Variants in CRAT observed in about 807,000 individuals in gnomAD.
CRAT encodes the protein carnitine O-acetyltransferase.
A neutral mutation model predicts 73.7 loss-of-function variants in CRAT; 66 were observed. That is an observed-to-expected ratio of 0.90 (90% CI 0.73 to 1.10). CRAT has a LOEUF of 1.10. CRAT is among the 50% of genes least tolerant of loss of function. CRAT has a pLI of 0.00. For missense variants in CRAT, 745 were observed against 846.9 expected (o/e 0.88, Z 1.49); for synonymous variants, 321 against 343.2 (o/e 0.94, Z 0.71).
Position 129,098,121 on chromosome 9 carries a change from A to C in CRAT, c.1356T>G (p.Tyr452Ter), listed in dbSNP as rs1250426248. Residue 452 changes from tyrosine (Y) to a stop codon, truncating the protein, a stop_gained, in exon 11 of 14, where the codon TAT becomes TAG. Coordinates refer to ENST00000318080, the MANE Select transcript of CRAT (RefSeq NM_000755.5). LOFTEE classifies it high-confidence loss of function. ...GAAACATGCGCAGGGAGGCACTTTC[A>C]TAGGTGGCACATGCCTGTCCGTAGA... is the stretch of plus-strand genomic sequence containing the variant. ...YRIYGQACAT[Y>*]ESASLRMFHL... 1 of 1,613,798 alleles carries C rather than the reference A, an allele frequency of 6.2e-7. No individual in the cohort carries two copies. The highest frequency in any genetic ancestry group is 1.7e-5 in the Admixed American group (1 of 60,008).
Position 129,099,809 on chromosome 9 carries a change from G to C in CRAT, c.1085+57C>G, listed in dbSNP as rs561869316. 149 of 1,351,310 alleles carry C rather than the reference G, an allele frequency of 1.1e-4. No individual in the cohort carries two copies. The East Asian group carries it at 2.7e-3, about 24-fold the overall frequency. 83.7% of individuals were successfully genotyped at this position (1,351,310 alleles called of 1,614,324 possible). On this transcript the variant is annotated intron_variant, in intron 8 of 13. Coordinates refer to ENST00000318080, the MANE Select transcript of CRAT (RefSeq NM_000755.5). ...TTCTCTATAAGCTGGTCTATCACCTGTGTGTCACCTGTCACTAGAAGCTGG... is the reference window on the plus strand; with the variant it reads ...TTCTCTATAAGCTGGTCTATCACCTCTGTGTCACCTGTCACTAGAAGCTGG...
Position 129,095,036 on chromosome 9 carries a change from G to C in CRAT, c.*361C>G. On this transcript the variant is annotated 3_prime_UTR_variant, in exon 14 of 14. Coordinates refer to ENST00000318080, the MANE Select transcript of CRAT (RefSeq NM_000755.5). ...GGTGGCCTGGTCATGGAGTTGGCAG[G>C]GAGTGGCCGGGGCTGAGCTGGTGAG... 1.0e-5 allele frequency: 3 copies of C among 299,330 alleles called. No individual in the cohort carries two copies. The South Asian group carries it at 1.2e-4, about 12-fold the overall frequency. 18.5% of individuals were successfully genotyped at this position (299,330 alleles called of 1,614,324 possible).
rs1319323798 is a variant in CRAT at position 129,100,253 on chromosome 9, G to C, written c.984+258C>G. The stretch of plus-strand genomic sequence containing the variant: ...GGGACTGTTGTGCCAGGATTGCACT[G>C]GTGACCCCGGATCCCAGGTTCTCTG... On this transcript the variant is annotated intron_variant, in intron 7 of 13. Coordinates refer to ENST00000318080, the MANE Select transcript of CRAT (RefSeq NM_000755.5). 5.1e-6 allele frequency: 3 copies of C among 585,832 alleles called. No individual in the cohort carries two copies. In the East Asian group the frequency reaches 8.5e-5, roughly 17 times the overall value. 36.3% of individuals were successfully genotyped at this position (585,832 alleles called of 1,614,324 possible).
Position 129,110,725 on chromosome 9 carries a change from C to G in CRAT, c.-216G>C, listed in dbSNP as rs1848388460. Reference sequence around the variant, plus strand: ...CACCCGGGGAGGAGGACTCGCGAGGCGGGGCCTGGGCCGGTAGCGGGCCCC... The same window carrying G: ...CACCCGGGGAGGAGGACTCGCGAGGGGGGGCCTGGGCCGGTAGCGGGCCCC... On this transcript the variant is annotated 5_prime_UTR_variant, in exon 1 of 14. Transcript: ENST00000318080. The surrounding 1 kb of genome is among the most constrained non-coding windows in gnomAD (Gnocchi z 5.3). The G allele has an allele frequency of 1.8e-5, 11 of 613,106 alleles. No individual in the cohort carries two copies. The South Asian group carries it at 2.6e-4, about 14-fold the overall frequency. The allele number at this position is 613,106 out of a possible 1,614,324, so 38.0% of individuals were successfully genotyped here. A position where few individuals can be genotyped will look rare whatever the true frequency, so the allele number is the denominator to read the frequency against.
At chr9:129,102,988 G>T in intron 4 of CRAT, 25 bp downstream of exon 4, 1 of 1,606,586 alleles carries the variant, frequency 6.2e-7, no homozygotes, top group Non-Finnish European at 8.5e-7. Context: ...CAGGTGTGGG[G>T]CTGGGCAGGG....
chr9:129,099,376 C>T (rs563168041), intron 8 of CRAT, among the ~76,000 whole-genome samples: 14 of 150,632 alleles, frequency 9.3e-5, no homozygotes, highest in Non-Finnish European at 1.6e-4. Flanking sequence ...TCAGGTGATC[C>T]GCCTCCCAAA....
chr9:129,103,743 T>C lies in CRAT; in HGVS notation c.410+445A>G, dbSNP rs1847830439. Among the ~76,000 whole-genome samples, 1 of 152,128 alleles carries C rather than the reference T, an allele frequency of 6.6e-6. No individual in the cohort carries two copies. The highest frequency in any genetic ancestry group is 2.4e-5 in the African/African-American group (1 of 41,404). ...TGGCTGGTCCTTGGGCAGGAGATCC[T>C]TGTCACTGGTATTTTTATCTCTGGT... On this transcript the variant is annotated intron_variant, in intron 3 of 13. Coordinates refer to ENST00000318080, the MANE Select transcript of CRAT (RefSeq NM_000755.5). This position sits in a 1 kb window ranked among gnomAD's most constrained non-coding sequence, Gnocchi z 4.6.
rs143641111 is a variant in CRAT, at chr9:129,096,414, G to T, written c.1528-279C>A. ...CCATCCTGGCTGCAGGGCCTTGGCAGGTTGCTTAGGTTCTGGAACTGTAGT... is the reference window on the plus strand; with the variant it reads ...CCATCCTGGCTGCAGGGCCTTGGCATGTTGCTTAGGTTCTGGAACTGTAGT... On this transcript the variant is annotated intron_variant, in intron 12 of 13. Transcript: ENST00000318080. 7.4e-4 allele frequency among the ~76,000 whole-genome samples: 113 copies of T among 152,376 alleles called. 3 individuals are homozygous for T. In the East Asian group the frequency reaches 0.017, roughly 23 times the overall value.
rs1296312084 is a variant in CRAT at position 129,103,041 on chromosome 9, C to T, written c.436G>A (p.Val146Met). Residue 146 changes from valine to methionine, a missense_variant, in exon 4 of 14, where the codon GTG becomes ATG. Physicochemically the swap from Val to Met is conservative, Grantham distance 21. Coordinates refer to ENST00000318080, the MANE Select transcript of CRAT (RefSeq NM_000755.5). This position sits in a 1 kb window ranked among gnomAD's most constrained non-coding sequence, Gnocchi z 4.6. ...LRFAAKLIEG[V>M]LDFKVMIDNE... ...TCAATCATGACCTTGAAATCCAACACACCCTCAATGAGTTTGGCAGCAAAT... is the reference window on the plus strand; with the variant it reads ...TCAATCATGACCTTGAAATCCAACATACCCTCAATGAGTTTGGCAGCAAAT... 1.9e-6 allele frequency: 3 copies of T among 1,614,032 alleles called. No homozygotes were observed. The highest frequency in any genetic ancestry group is 2.2e-5 in the South Asian group (2 of 91,086).
intron 3 of CRAT, 91 bp downstream of exon 3, chr9:129,104,097 G>A: frequency 1.3e-6 from 1 of 781,686 alleles, no homozygotes; most frequent in Non-Finnish European, 2.1e-6. Context: ...GGGGCAGAAA[G>A]ATAAACAGGG....
At chr9:129,096,796 C>T (rs979822777) in intron 12 of CRAT, among the ~76,000 whole-genome samples, 11 of 152,186 alleles carry the variant, frequency 7.2e-5, no homozygotes, top group South Asian at 2.1e-4. Flanking sequence ...TGGCCGGGCA[C>T]GGTGGCTCAC....
chr9:129,095,935 C>T lies in CRAT; in HGVS notation c.1665+63G>A, dbSNP rs540166869. ...ATGGGTCAGTGGGGCCTGTGTAGGC[C>T]ACATCAAACTACCAGTGGGTTCTCT... On this transcript the variant is annotated intron_variant, in intron 13 of 13. Transcript: ENST00000318080. 204 of 1,605,658 alleles carry T rather than the reference C, an allele frequency of 1.3e-4. 2 individuals are homozygous for T. In the South Asian group the frequency reaches 2.2e-3, roughly 17 times the overall value.
chr9:129,109,392 G>A, intron 1 of CRAT: 1 of 747,768 alleles, frequency 1.3e-6, no homozygotes, highest in South Asian at 1.5e-5. Context: ...GGACCCATCT[G>A]AGCCATCCCT....
In CRAT at chr9:129,107,760, A is replaced by T; in HGVS notation, c.291+54T>A. The stretch of plus-strand genomic sequence containing the variant: ...GCCGTGCCAGAGCAGTGGGCACTGG[A>T]GAACTGTGCATGTGCAGCCAGCAGC... On this transcript the variant is annotated intron_variant, in intron 2 of 13. Transcript: ENST00000318080. This position sits in a 1 kb window ranked among gnomAD's most constrained non-coding sequence, Gnocchi z 5.0. 6.2e-7 allele frequency: 1 copy of T among 1,612,140 alleles called. No homozygotes were observed. Among genetic ancestry groups the T allele is most frequent in the Non-Finnish European group, 8.5e-7 (1 of 1,179,198 alleles).
chr9:129,109,833 A>G (rs1848282033), intron 1 of CRAT, among the ~76,000 whole-genome samples: 1 of 150,154 alleles, frequency 6.7e-6, no homozygotes, highest in Admixed American at 6.7e-5. Flanking sequence ...CGGGCTGCTC[A>G]CCGGGGAGGA....
At position 129,102,066 on chromosome 9, in the gene CRAT, G is replaced by A. The variant is rs974566537; in HGVS notation, c.631-9C>T. On this transcript the variant is annotated splice_polypyrimidine_tract_variant and intron_variant, in intron 5 of 13. Coordinates refer to ENST00000318080, the MANE Select transcript of CRAT (RefSeq NM_000755.5). ...ACATCCAGCTCAAAAAACTGTTGGG[G>A]CACAGGCAGGTAAGAGGAGGGAGCT... 4.3e-6 allele frequency: 7 copies of A among 1,612,770 alleles called. No homozygotes were observed. Among genetic ancestry groups the A allele is most frequent in the African/African-American group, 2.7e-5 (2 of 74,934 alleles).
chr9:129,106,757 T>A lies in CRAT; in HGVS notation c.291+1057A>T, dbSNP rs376105006. On this transcript the variant is annotated intron_variant, in intron 2 of 13. Transcript: ENST00000318080. The surrounding 1 kb of genome is among the most constrained non-coding windows in gnomAD (Gnocchi z 4.0). ...GCTAGAGCTCTACCTCCCCTCCCCA[T>A]GGCACCCCCTATAACACAGCATTTC... is the stretch of plus-strand genomic sequence containing the variant. Among the ~76,000 whole-genome samples, 22 of 152,204 alleles carry A rather than the reference T, an allele frequency of 1.4e-4. No individual in the cohort carries two copies. In the Middle Eastern group the frequency reaches 0.01, roughly 71 times the overall value.
chr9:129,095,696 C>T, intron 13 of CRAT, 84 bp from the exon 14 acceptor site: 1 of 1,367,466 alleles, frequency 7.3e-7, no homozygotes, highest in South Asian at 1.3e-5. Flanking sequence ...TCCGCCAAGA[C>T]TGCAGGCCCC....
chr9:129,110,748 C>T lies in CRAT; in HGVS notation c.-239G>A. On this transcript the variant is annotated 5_prime_UTR_variant, in exon 1 of 14. Coordinates refer to ENST00000318080, the MANE Select transcript of CRAT (RefSeq NM_000755.5). This position sits in a 1 kb window ranked among gnomAD's most constrained non-coding sequence, Gnocchi z 5.3. ...GGCGGGGCCTGGGCCGGTAGCGGGC[C>T]CCGGGCGGGCAACGGTGCCCGGGAG... 1 of 584,472 alleles carries T rather than the reference C, an allele frequency of 1.7e-6. No individual in the cohort carries two copies. Among genetic ancestry groups the T allele is most frequent in the Non-Finnish European group, 2.8e-6 (1 of 356,270 alleles). The allele number at this position is 584,472 out of a possible 1,614,324, so 36.2% of individuals were successfully genotyped here. A position where few individuals can be genotyped will look rare whatever the true frequency, so the allele number is the denominator to read the frequency against.
Sources: gnomAD v4.1 joint callset for allele counts (sites outside exome capture counted in the v4.1 genomes callset) on GRCh38, gnomAD v4.1.1 for gene constraint, Gnocchi (gnomAD v3.1) non-coding constraint, MANE v1.5 for transcripts, NCBI Gene and HGNC (gene_info 2026-07-23, HGNC 2026-07-21) for gene names.